The following KCNJ14 variants were observed in gnomAD, a reference collection of about 807,000 sequenced individuals.
KCNJ14 encodes the protein potassium inwardly rectifying channel subfamily J member 14.
Under a neutral mutation model 24.5 loss-of-function variants are expected in KCNJ14, and 18 were observed. That is an observed-to-expected ratio of 0.74 (90% CI 0.51 to 1.09). The LOEUF (loss-of-function observed/expected upper bound fraction) is 1.09, where lower values mean the gene tolerates loss of function less well. KCNJ14 is among the 50% of genes least tolerant of loss of function. KCNJ14 has a pLI of 0.00. For synonymous variants in KCNJ14, 288 were observed against 270.8 expected (o/e 1.06, Z -0.63); for missense variants, 633 against 623.0 (o/e 1.02, Z -0.17).
In KCNJ14 at chr19:48,462,447, G is replaced by A. The variant is rs759246543; in HGVS notation, c.714+9G>A. On this transcript the variant is annotated intron_variant, in intron 2 of 2. Transcript: ENST00000342291. The surrounding 1 kb of genome is among the most constrained non-coding windows in gnomAD (Gnocchi z 4.9). ...GTGCCCAGCTGCTGCAGGTGCGCCCGGGAGGAGAGGCGGGGACTTCCGTGA... is the reference window on the plus strand; with the variant it reads ...GTGCCCAGCTGCTGCAGGTGCGCCCAGGAGGAGAGGCGGGGACTTCCGTGA... The A allele has an allele frequency of 2.1e-6, 3 of 1,459,248 alleles. No homozygotes were observed. Among genetic ancestry groups the A allele is most frequent in the Non-Finnish European group, 2.7e-6 (3 of 1,102,806 alleles). 90.4% of individuals were successfully genotyped at this position (1,459,248 alleles called of 1,614,324 possible). A position where few individuals can be genotyped will look rare whatever the true frequency, so the allele number is the denominator to read the frequency against.
rs768998850 is a variant in KCNJ14 at position 48,462,270 on chromosome 19, T to C, written c.546T>C (p.Gly182=). The part of the protein sequence containing the change: ...AGCVLDAFVV[G]AVMAKMAKPK... ...GCGTGCTCGACGCCTTCGTCGTGGGTGCTGTCATGGCCAAGATGGCCAAAC... is the reference window on the plus strand; with the variant it reads ...GCGTGCTCGACGCCTTCGTCGTGGGCGCTGTCATGGCCAAGATGGCCAAAC... Residue 182 remains glycine (G), a synonymous_variant, in exon 2 of 3, where the codon GGT becomes GGC. Transcript: ENST00000342291. This position sits in a 1 kb window ranked among gnomAD's most constrained non-coding sequence, Gnocchi z 4.9. 1 of 1,548,402 alleles carries C rather than the reference T, an allele frequency of 6.5e-7. No individual in the cohort carries two copies. The highest frequency in any genetic ancestry group is 8.7e-7 in the Non-Finnish European group (1 of 1,145,018).
At position 48,458,511 on chromosome 19, in the gene KCNJ14, A is replaced by C. The variant is rs112487455; in HGVS notation, c.-56+2653A>C. Among the ~76,000 whole-genome samples the C allele has an allele frequency of 2.4e-4, 37 of 152,162 alleles. 3 individuals are homozygous for C. Among genetic ancestry groups the C allele is most frequent in the African/African-American group, 8.7e-4 (36 of 41,512 alleles). ...AAACGTCTGTACAGATCCTTTGCCT[A>C]CTTTTTTTGTGCCTCAGCCTCCAGA... On this transcript the variant is annotated intron_variant, in intron 1 of 2. Transcript: ENST00000342291.
At chr19:48,457,562 C>G (rs1329363191) in intron 1 of KCNJ14, among the ~76,000 whole-genome samples, 1 of 152,190 alleles carries the variant, frequency 6.6e-6, no homozygotes, top group Non-Finnish European at 1.5e-5. Flanking sequence ...GGCATGAGGC[C>G]CATTTCATTT....
chr19:48,461,742 C>T lies in KCNJ14; in HGVS notation c.18C>T (p.Ala6=), dbSNP rs746464992. The change falls in exon 2 of 3, where the codon GCC becomes GCT. Residue 6 remains alanine, a synonymous_variant. Transcript: ENST00000342291. ...TCCGTCCAATGGGCCTGGCCAGGGC[C>T]CTACGCCGCCTCAGCGGCGCCCTGG... MGLAR[A]LRRLSGALDS... 41 of 1,436,304 alleles carry T rather than the reference C, an allele frequency of 2.9e-5. No homozygotes were observed. The highest frequency in any genetic ancestry group is 2.3e-4 in the East Asian group (9 of 38,720). 89.0% of individuals were successfully genotyped at this position (1,436,304 alleles called of 1,614,324 possible).
rs891952279 is a variant in KCNJ14 at position 48,461,692 on chromosome 19, C to A, written c.-33C>A. 18 of 1,353,292 alleles carry A rather than the reference C, an allele frequency of 1.3e-5. No homozygotes were observed. The highest frequency in any genetic ancestry group is 9.2e-5 in the African/African-American group (6 of 64,872). The allele number at this position is 1,353,292 out of a possible 1,614,324, so 83.8% of individuals were successfully genotyped here. On this transcript the variant is annotated 5_prime_UTR_variant, in exon 2 of 3. Coordinates refer to ENST00000342291, the MANE Select transcript of KCNJ14 (RefSeq NM_013348.4). ...CAGCAGGTTGGGGGCGCCTGCCCCC[C>A]ACTAGGCCAAGTGGAGGGGGTCCCT...
intron 1 of KCNJ14, among the ~76,000 whole-genome samples, chr19:48,458,570 C>T (rs902302656): frequency 7.9e-5 from 12 of 152,054 alleles, no homozygotes; most frequent in African/African-American, 2.9e-4. Context: ...CCACCAGGCC[C>T]GGCTAATTTT....
At chr19:48,460,176 T>C (rs916197987) in intron 1 of KCNJ14, among the ~76,000 whole-genome samples, 1 of 152,202 alleles carries the variant, frequency 6.6e-6, no homozygotes, top group African/African-American at 2.4e-5. Flanking sequence ...ATTATGAGCA[T>C]GGACCCTGGA....
Position 48,462,609 on chromosome 19 carries a change from C to T in KCNJ14, c.714+171C>T, listed in dbSNP as rs573025046. On this transcript the variant is annotated intron_variant, in intron 2 of 2. Coordinates refer to ENST00000342291, the MANE Select transcript of KCNJ14 (RefSeq NM_013348.4). This position sits in a 1 kb window ranked among gnomAD's most constrained non-coding sequence, Gnocchi z 4.9. The stretch of plus-strand genomic sequence containing the variant: ...TCACTGGGCAGCTGGGGATGTAAAC[C>T]CAACAGAAAGGTATGTGACCAGCTC... Among the ~76,000 whole-genome samples the T allele has an allele frequency of 1.3e-5, 2 of 152,310 alleles. No individual in the cohort carries two copies. The highest frequency in any genetic ancestry group is 2.1e-4 in the South Asian group (1 of 4,826).
rs1971613727 is a variant in KCNJ14 at position 48,462,524 on chromosome 19, C to T, written c.714+86C>T. On this transcript the variant is annotated intron_variant, in intron 2 of 2. Transcript: ENST00000342291. This position sits in a 1 kb window ranked among gnomAD's most constrained non-coding sequence, Gnocchi z 4.9. ...GCCCGAGGGCGAGGGGCGTGCGGTC[C>T]TGGAGGGGGCGTGGACTACAACTCC... 10 of 1,044,820 alleles carry T rather than the reference C, an allele frequency of 9.6e-6. No homozygotes were observed. The highest frequency in any genetic ancestry group is 1.3e-5 in the Non-Finnish European group (10 of 746,962). 64.7% of individuals were successfully genotyped at this position (1,044,820 alleles called of 1,614,324 possible).
At chr19:48,455,916 C>T (rs939982379) in intron 1 of KCNJ14, 58 bp downstream of exon 1, 5 of 152,258 alleles carry the variant, frequency 3.3e-5, no homozygotes, top group African/African-American at 7.2e-5. Context: ...GAGCTCATCA[C>T]GAGGCCTCGT....
At chr19:48,460,151 C>T (rs958170213) in intron 1 of KCNJ14, among the ~76,000 whole-genome samples, 6 of 152,202 alleles carry the variant, frequency 3.9e-5, no homozygotes, top group African/African-American at 1.4e-4. Flanking sequence ...TGCTGAGAAG[C>T]AGTTACACCT....
chr19:48,466,414 A>G lies in KCNJ14; in HGVS notation c.*1637A>G, dbSNP rs1971655482. On this transcript the variant is annotated 3_prime_UTR_variant, in exon 3 of 3. Coordinates refer to ENST00000342291, the MANE Select transcript of KCNJ14 (RefSeq NM_013348.4). ...TTTCTTAAAGATATTATACATATGTATATTATATATATGTAATATAAATAC... is the reference window on the plus strand; with the variant it reads ...TTTCTTAAAGATATTATACATATGTGTATTATATATATGTAATATAAATAC... 6.6e-6 allele frequency: 1 copy of G among 151,792 alleles called. No homozygotes were observed. The highest frequency in any genetic ancestry group is 2.1e-4 in the South Asian group (1 of 4,820). 9.4% of individuals were successfully genotyped at this position (151,792 alleles called of 1,614,324 possible). A position where few individuals can be genotyped will look rare whatever the true frequency, so the allele number is the denominator to read the frequency against.
intron 1 of KCNJ14, among the ~76,000 whole-genome samples, chr19:48,457,408 T>C (rs1569082194): frequency 6.6e-6 from 1 of 152,106 alleles, no homozygotes; most frequent in Non-Finnish European, 1.5e-5. Context: ...CCAGGGGACA[T>C]GGTGGGTGAG....
At position 48,465,003 on chromosome 19, in the gene KCNJ14, T is replaced by C; in HGVS notation, c.*226T>C. The stretch of plus-strand genomic sequence containing the variant: ...CCCTCCTGAGAACCCTTTATGAGCC[T>C]GATTCCTCAGTCTCACCAGAATTCT... On this transcript the variant is annotated 3_prime_UTR_variant, in exon 3 of 3. Transcript: ENST00000342291. The C allele has an allele frequency of 1.8e-6, 1 of 547,496 alleles. No homozygotes were observed. The highest frequency in any genetic ancestry group is 3.3e-6 in the Non-Finnish European group (1 of 306,634). 33.9% of individuals were successfully genotyped at this position (547,496 alleles called of 1,614,324 possible).
chr19:48,464,120 A>G (rs773573864), intron 2 of KCNJ14, 61 bp from the exon 3 acceptor site: 208 of 1,136,638 alleles, frequency 1.8e-4, no homozygotes, highest in Non-Finnish European at 2.5e-4. Flanking sequence ...CCTCTCTCTC[A>G]CTTCGTCTCT....
rs1799270 is a variant in KCNJ14, at chr19:48,466,622, T to C, written c.*1845T>C. 136,001 of 152,096 alleles carry C rather than the reference T, an allele frequency of 0.89. 61,295 individuals are homozygous for C. The highest frequency in any genetic ancestry group is 0.93 in the African/African-American group (38,448 of 41,490). 9.4% of individuals were successfully genotyped at this position (152,096 alleles called of 1,614,324 possible). A position where few individuals can be genotyped will look rare whatever the true frequency, so the allele number is the denominator to read the frequency against. ...AGTTTCCCCATCTGTAAAAACGGGA[T>C]ATTGGAACTTGAAGTTCTTCAGGGG... On this transcript the variant is annotated 3_prime_UTR_variant, in exon 3 of 3. Transcript: ENST00000342291.
rs1971642640 is a variant in KCNJ14 at position 48,465,061 on chromosome 19, A to G, written c.*284A>G. ...CCAAGAGGAAAAGACTGGCAGTTCT[A>G]GATTCCTCTATATGGGGAGACCTGG... is the stretch of plus-strand genomic sequence containing the variant. On this transcript the variant is annotated 3_prime_UTR_variant, in exon 3 of 3. Coordinates refer to ENST00000342291, the MANE Select transcript of KCNJ14 (RefSeq NM_013348.4). 2 of 439,908 alleles carry G rather than the reference A, an allele frequency of 4.5e-6. No individual in the cohort carries two copies. Among genetic ancestry groups the G allele is most frequent in the Admixed American group, 7.3e-5 (2 of 27,300 alleles). The allele number at this position is 439,908 out of a possible 1,614,324, so 27.3% of individuals were successfully genotyped here. A position where few individuals can be genotyped will look rare whatever the true frequency, so the allele number is the denominator to read the frequency against.
chr19:48,456,947 C>A (rs1368858500), intron 1 of KCNJ14: 1 of 151,608 alleles, frequency 6.6e-6, no homozygotes, highest in Non-Finnish European at 1.5e-5. Context: ...GAGTTGGACT[C>A]CCAAAGTGCT....
Position 48,462,538 on chromosome 19 carries a change from G to A in KCNJ14, c.714+100G>A. On this transcript the variant is annotated intron_variant, in intron 2 of 2. Transcript: ENST00000342291. This position sits in a 1 kb window ranked among gnomAD's most constrained non-coding sequence, Gnocchi z 4.9. ...GGCGTGCGGTCCTGGAGGGGGCGTG[G>A]ACTACAACTCCCAGCAGCCTCTTGG... is the stretch of plus-strand genomic sequence containing the variant. 2 of 889,122 alleles carry A rather than the reference G, an allele frequency of 2.2e-6. No homozygotes were observed. Among genetic ancestry groups the A allele is most frequent in the Non-Finnish European group, 3.3e-6 (2 of 607,460 alleles). The allele number at this position is 889,122 out of a possible 1,614,324, so 55.1% of individuals were successfully genotyped here.
Sources: gnomAD v4.1 joint callset for allele counts (sites outside exome capture counted in the v4.1 genomes callset) on GRCh38, gnomAD v4.1.1 for gene constraint, Gnocchi (gnomAD v3.1) non-coding constraint, MANE v1.5 for transcripts, NCBI Gene and HGNC (gene_info 2026-07-23, HGNC 2026-07-21) for gene names.